The following PGS1 variants were observed in gnomAD, a reference collection of about 807,000 sequenced individuals.
PGS1 encodes the protein CDP-diacylglycerol--glycerol-3-phosphate 3-phosphatidyltransferase, mitochondrial.
In PGS1, 44 loss-of-function variants were observed where a neutral mutation model predicts 58.3. The observed-to-expected ratio is 0.75, with a 90% confidence interval of 0.59 to 0.97. The LOEUF (loss-of-function observed/expected upper bound fraction) is 0.97. Among genes scored for constraint, PGS1 ranks in the 50% least tolerant of loss-of-function variants. The pLI is 0.00. For missense variants in PGS1, 684 were observed against 731.1 expected, an observed-to-expected ratio of 0.94 and a Z score of 0.74; for synonymous variants, 330 against 311.0, an observed-to-expected ratio of 1.06 and a Z score of -0.64.
chr17:78,400,686 G>C lies in PGS1; in HGVS notation c.711G>C (p.Leu237=). The change falls in exon 6 of 10, where the codon CTG becomes CTC. Residue 237 remains leucine, a synonymous_variant. Coordinates refer to ENST00000262764, the MANE Select transcript of PGS1 (RefSeq NM_024419.5). The surrounding 1 kb of genome is among the most constrained non-coding windows in gnomAD (Gnocchi z 4.4). ...DNSVILSGAN[L]SDSYFTNRQD... is the part of the protein sequence containing the mutation. ...TCTTCCCTCCCTGTAGTGCAAACCTGAGTGACTCCTACTTCACCAACCGCC... is the reference window on the plus strand; with the variant it reads ...TCTTCCCTCCCTGTAGTGCAAACCTCAGTGACTCCTACTTCACCAACCGCC... The C allele has an allele frequency of 6.2e-7, 1 of 1,613,876 alleles. No homozygotes were observed. Among genetic ancestry groups the C allele is most frequent in the Non-Finnish European group, 8.5e-7 (1 of 1,179,924 alleles).
chr17:78,401,360 C>G (rs1598317568), intron 6 of PGS1, among the ~76,000 whole-genome samples: 2 of 152,262 alleles, frequency 1.3e-5, no homozygotes, highest in Non-Finnish European at 1.5e-5. Flanking sequence ...AGCCTATCAC[C>G]TGGGCCTGTG....
At chr17:78,422,165 T>C (rs2085866275) in intron 9 of PGS1, among the ~76,000 whole-genome samples, 2 of 152,050 alleles carry the variant, frequency 1.3e-5, no homozygotes, top group Non-Finnish European at 2.9e-5. Flanking sequence ...CGGTGGCCCC[T>C]GGTGGCTTTA....
chr17:78,413,525 G>A (rs928999799), intron 7 of PGS1, among the ~76,000 whole-genome samples: 5 of 152,146 alleles, frequency 3.3e-5, no homozygotes, highest in Admixed American at 2.0e-4. Context: ...ACAGCCACTC[G>A]CTCTTGCTCA....
At chr17:78,393,536 C>G (rs115096726) in intron 2 of PGS1, among the ~76,000 whole-genome samples, 1 of 152,082 alleles carries the variant, frequency 6.6e-6, no homozygotes, top group Non-Finnish European at 1.5e-5. Context: ...ACCCCTAACC[C>G]GGGAATCATC....
chr17:78,404,143 G>T, intron 7 of PGS1, 54 bp downstream of exon 7: 7 of 1,458,934 alleles, frequency 4.8e-6, no homozygotes, highest in Non-Finnish European at 6.3e-6. Flanking sequence ...ACAAACATGG[G>T]CAGGGGGTGG....
chr17:78,390,941 CT>C (rs924474455), intron 1 of PGS1, among the ~76,000 whole-genome samples: 15 of 150,000 alleles, frequency 1.0e-4, no homozygotes, highest in Admixed American at 6.0e-4. Context: ...CATCATCACT[CT>C]TTTTTTTTTC....
Position 78,382,168 on chromosome 17 carries a change from C to G in PGS1, c.143+3360C>G, listed in dbSNP as rs2082079825. Among the ~76,000 whole-genome samples the G allele has an allele frequency of 2.0e-5, 3 of 152,056 alleles. No individual in the cohort carries two copies. The South Asian group carries it at 6.2e-4, about 31-fold the overall frequency. On this transcript the variant is annotated intron_variant, in intron 1 of 9. Coordinates refer to ENST00000262764, the MANE Select transcript of PGS1 (RefSeq NM_024419.5). ...TAGTGACATGGACTGCAGCGAAAGG[C>G]AATTCTGAGGTCCCACCAATACTGA...
At chr17:78,381,504 ATGTTTGTTGTGGC>A (rs1180035018) in intron 1 of PGS1, among the ~76,000 whole-genome samples, 1 of 152,072 alleles carries the variant, frequency 6.6e-6, no homozygotes, top group Non-Finnish European at 1.5e-5. Context: ...CGAGTTATTC[ATGTTTGTTGTGGC>A]TGCTTACCCT....
rs181616724 is a variant in PGS1, at chr17:78,397,994, A to G, written c.412-258A>G. The G allele has an allele frequency of 1.9e-3, 1,067 of 570,688 alleles. 16 individuals carry two copies. In the Admixed American group the frequency reaches 0.022, roughly 12 times the overall value. The allele number at this position is 570,688 out of a possible 1,614,324, so 35.4% of individuals were successfully genotyped here. A position where few individuals can be genotyped will look rare whatever the true frequency, so the allele number is the denominator to read the frequency against. On this transcript the variant is annotated intron_variant, in intron 3 of 9. Transcript: ENST00000262764. ...TCCAGGGTGGCACGGGCTGGCTGTC[A>G]GGCAGCACGCCTCTGCCTGCAGGTC...
At chr17:78,390,910 T>C (rs2082777276) in intron 1 of PGS1, among the ~76,000 whole-genome samples, 1 of 152,140 alleles carries the variant, frequency 6.6e-6, no homozygotes, top group African/African-American at 2.4e-5. Context: ...AGGATGTGTC[T>C]GATGGTGAAT....
At chr17:78,402,417 TATATATATATACAC>T (rs1567973136) in intron 6 of PGS1, among the ~76,000 whole-genome samples, 5 of 63,648 alleles carry the variant, frequency 7.9e-5, no homozygotes, top group Admixed American at 3.7e-4. Flanking sequence ...TATATATATA[TATATATATATACAC>T]ACACACACAC....
chr17:78,381,810 C>T (rs1008811139), intron 1 of PGS1, among the ~76,000 whole-genome samples: 1 of 152,186 alleles, frequency 6.6e-6, no homozygotes, highest in African/African-American at 2.4e-5. Flanking sequence ...AAAATTACTT[C>T]TGTTAATGAT....
At chr17:78,382,052 T>C (rs896309161) in intron 1 of PGS1, among the ~76,000 whole-genome samples, 7 of 152,114 alleles carry the variant, frequency 4.6e-5, no homozygotes, top group African/African-American at 1.7e-4. Flanking sequence ...ATGGAAGGCT[T>C]CCTGGTGCAG....
intron 3 of PGS1, among the ~76,000 whole-genome samples, chr17:78,396,641 C>T (rs563425488): frequency 5.9e-5 from 9 of 152,360 alleles, no homozygotes; most frequent in Non-Finnish European, 8.8e-5. Context: ...TCCTCCTACC[C>T]ACACAGGGCC....
intron 7 of PGS1, among the ~76,000 whole-genome samples, chr17:78,408,551 G>C (rs542352175): frequency 6.6e-6 from 1 of 152,206 alleles, no homozygotes; most frequent in Non-Finnish European, 1.5e-5. Context: ...ACTGGGGGCC[G>C]AGGGCTGCTG....
chr17:78,422,203 G>A (rs764501590), intron 9 of PGS1, among the ~76,000 whole-genome samples: 25 of 152,128 alleles, frequency 1.6e-4, no homozygotes, highest in Non-Finnish European at 3.1e-4. Flanking sequence ...AAGGGCTGCA[G>A]TGACCCCTCC....
intron 9 of PGS1, chr17:78,423,683 TGGATGGGCACAGCTGA>T: frequency 1.8e-6 from 1 of 559,420 alleles, no homozygotes; most frequent in Non-Finnish European, 3.1e-6. Flanking sequence ...AGGCACAGAA[TGGATGGGCACAGCTGA>T]GTGGCTCCAC....
In PGS1 at chr17:78,396,230, C is replaced by G; in HGVS notation, c.334-78C>G. The G allele has an allele frequency of 2.7e-6, 3 of 1,093,388 alleles. No individual in the cohort carries two copies. The South Asian group carries it at 3.8e-5, about 14-fold the overall frequency. 67.7% of individuals were successfully genotyped at this position (1,093,388 alleles called of 1,614,324 possible). On this transcript the variant is annotated intron_variant, in intron 2 of 9. Coordinates refer to ENST00000262764, the MANE Select transcript of PGS1 (RefSeq NM_024419.5). ...GTTCAGCTTGGAGTGGGATTTGCCT[C>G]CCAGGTCAAAGGGTTCTGTTTTCTT...
In PGS1 at chr17:78,414,956, G is replaced by T; in HGVS notation, c.1480G>T (p.Val494Phe). The change falls in exon 8 of 10, where the codon GTT becomes TTT. Residue 494 changes from valine to phenylalanine, a missense_variant. Physicochemically the swap from Val to Phe is conservative, Grantham distance 50. Coordinates refer to ENST00000262764, the MANE Select transcript of PGS1 (RefSeq NM_024419.5). Reference protein sequence around the residue: ...IGSPNFGYRSVHRDLEAQIAI... With the variant: ...IGSPNFGYRSFHRDLEAQIAI... ...CTCTCCTAATTTTGGGTACAGGTCA[G>T]TTCACCGGGACCTGGAGGCCCAGAT... The T allele has an allele frequency of 6.2e-7, 1 of 1,613,944 alleles. No individual in the cohort carries two copies.
Sources: allele counts gnomAD v4.1 joint callset (sites outside exome capture counted in the v4.1 genomes callset), GRCh38; gene constraint gnomAD v4.1.1; non-coding constraint Gnocchi (gnomAD v3.1); transcripts MANE v1.5; gene names NCBI Gene and HGNC (gene_info 2026-07-23, HGNC 2026-07-21).